The following MLPH variants were observed in gnomAD, a reference collection of about 807,000 sequenced individuals.
MLPH encodes the protein melanophilin, also known as exophilin-3.
In MLPH, 51 loss-of-function variants were observed where a neutral mutation model predicts 72.1. The ratio of observed to expected loss-of-function variants is 0.71; its 90% CI spans 0.56 to 0.89. MLPH has a LOEUF of 0.89. Ranked by LOEUF, MLPH falls within the 40% of genes least tolerant of loss-of-function variation. The pLI is 0.00. For synonymous variants in MLPH, 301 were observed against 310.1 expected, an observed-to-expected ratio of 0.97 and a Z score of 0.31; for missense variants, 743 against 759.9, an observed-to-expected ratio of 0.98 and a Z score of 0.26.
At chr2:237,539,264 G>A (rs1263628082) in intron 9 of MLPH, among the ~76,000 whole-genome samples, 5 of 152,224 alleles carry the variant, frequency 3.3e-5, no homozygotes, top group East Asian at 3.8e-4. Flanking sequence ...GGGAGAAGGC[G>A]GTGGTCGAAC....
At chr2:237,529,439 T>C (rs1184371828) in intron 8 of MLPH, among the ~76,000 whole-genome samples, 1 of 152,224 alleles carries the variant, frequency 6.6e-6, no homozygotes, top group Non-Finnish European at 1.5e-5. Context: ...CATTAACTTA[T>C]GAAATAATTC....
At position 237,540,563 on chromosome 2, in the gene MLPH, G is replaced by C. The variant is rs75126541; in HGVS notation, c.1290+30G>C. 7,088 of 1,598,922 alleles carry C rather than the reference G, an allele frequency of 4.4e-3. 167 individuals carry two copies. The East Asian group carries it at 0.058, about 13-fold the overall frequency. Reference sequence around the variant, plus strand: ...GACTATCCCCCAGAGGTCTCAGCAGGACCCTGCAGAGGTAGGGGCAGGGAT... The same window carrying C: ...GACTATCCCCCAGAGGTCTCAGCAGCACCCTGCAGAGGTAGGGGCAGGGAT... On this transcript the variant is annotated intron_variant, in intron 10 of 15. Coordinates refer to ENST00000264605, the MANE Select transcript of MLPH (RefSeq NM_024101.7).
intron 2 of MLPH, among the ~76,000 whole-genome samples, chr2:237,495,919 G>A (rs140882005): frequency 2.7e-4 from 41 of 152,234 alleles, no homozygotes; most frequent in Non-Finnish European, 4.1e-4. Context: ...CACGGGCCCC[G>A]TCCTCACCCC....
intron 2 of MLPH, among the ~76,000 whole-genome samples, chr2:237,496,328 G>T (rs1034439945): frequency 6.6e-6 from 1 of 152,154 alleles, no homozygotes; most frequent in Non-Finnish European, 1.5e-5. Context: ...GTCTTCCAGG[G>T]GACTGCTGAG....
intron 2 of MLPH, among the ~76,000 whole-genome samples, chr2:237,500,287 C>T (rs576455436): frequency 6.6e-6 from 1 of 152,224 alleles, no homozygotes; most frequent in African/African-American, 2.4e-5. Context: ...TTGTCCAGCC[C>T]CAAGGTTTTA....
In MLPH at chr2:237,505,847, C is replaced by T. The variant is rs1164873538; in HGVS notation, c.111-4727C>T. Among the ~76,000 whole-genome samples, 2 of 152,202 alleles carry T rather than the reference C, an allele frequency of 1.3e-5. No homozygotes were observed. Among genetic ancestry groups the T allele is most frequent in the African/African-American group, 2.4e-5 (1 of 41,444 alleles). On this transcript the variant is annotated intron_variant, in intron 2 of 15. Transcript: ENST00000264605. The surrounding 1 kb of genome is among the most constrained non-coding windows in gnomAD (Gnocchi z 4.5). ...CCCCACCAGTCACAGCTCTGGCATG[C>T]GTGTCCCAGGGCCCTCTGGAGGTGG...
chr2:237,519,079 TTTTG>T (rs138690967), intron 5 of MLPH, among the ~76,000 whole-genome samples: 1 of 107,886 alleles, frequency 9.3e-6, no homozygotes, highest in Non-Finnish European at 2.1e-5. Context: ...TTTTGTTTTG[TTTTG>T]TTTGTTTTTT....
At position 237,540,652 on chromosome 2, in the gene MLPH, C is replaced by T. The variant is rs1029452582; in HGVS notation, c.1290+119C>T. 4 of 1,491,474 alleles carry T rather than the reference C, an allele frequency of 2.7e-6. No homozygotes were observed. In the African/African-American group the frequency reaches 4.2e-5, roughly 16 times the overall value. 92.4% of individuals were successfully genotyped at this position (1,491,474 alleles called of 1,614,324 possible). On this transcript the variant is annotated intron_variant, in intron 10 of 15. Coordinates refer to ENST00000264605, the MANE Select transcript of MLPH (RefSeq NM_024101.7). Reference sequence around the variant, plus strand: ...AGCACCCACAGGAGCACACCAAGGGCCCTTGATGGGGTCTGCAGCGGGTGG... The same window carrying T: ...AGCACCCACAGGAGCACACCAAGGGTCCTTGATGGGGTCTGCAGCGGGTGG...
intron 1 of MLPH, among the ~76,000 whole-genome samples, chr2:237,490,913 A>G (rs1319002633): frequency 1.3e-5 from 2 of 152,208 alleles, no homozygotes; most frequent in Admixed American, 6.5e-5. Context: ...CAAACACTCA[A>G]CTTTATGTTT....
rs1038232705 is a variant in MLPH at position 237,555,246 on chromosome 2, G to A, written c.*1654G>A. The stretch of plus-strand genomic sequence containing the variant: ...GAGCCATGATCGCATCACTATACTC[G>A]AGCCTGGGCAACAGAGTGAGACCTT... On this transcript the variant is annotated 3_prime_UTR_variant, in exon 16 of 16. Coordinates refer to ENST00000264605, the MANE Select transcript of MLPH (RefSeq NM_024101.7). 3.3e-5 allele frequency: 5 copies of A among 152,092 alleles called. No homozygotes were observed. Among genetic ancestry groups the A allele is most frequent in the Admixed American group, 2.0e-4 (3 of 15,258 alleles). 9.4% of individuals were successfully genotyped at this position (152,092 alleles called of 1,614,324 possible).
At chr2:237,501,215 C>G (rs1248167722) in intron 2 of MLPH, among the ~76,000 whole-genome samples, 1 of 152,142 alleles carries the variant, frequency 6.6e-6, no homozygotes, top group African/African-American at 2.4e-5. Flanking sequence ...CAGCCCCCAG[C>G]ACAGTACTGA....
chr2:237,550,780 G>C (rs536990698), intron 14 of MLPH, among the ~76,000 whole-genome samples: 1 of 152,114 alleles, frequency 6.6e-6, no homozygotes, highest in African/African-American at 2.4e-5. Flanking sequence ...AACTCCTGAC[G>C]TCAGATGATC....
chr2:237,511,231 T>C (rs558858726), intron 4 of MLPH, 130 bp downstream of exon 4: 2 of 734,678 alleles, frequency 2.7e-6, no homozygotes, highest in South Asian at 3.0e-5. Flanking sequence ...TGTGTGTGCA[T>C]GCACATGCCT....
intron 12 of MLPH, among the ~76,000 whole-genome samples, chr2:237,543,092 G>A (rs2106386799): frequency 1.2e-5 from 1 of 80,868 alleles, no homozygotes; most frequent in African/African-American, 5.7e-5. Context: ...ACAGTGGTGA[G>A]TGGGGACAGT....
chr2:237,507,430 C>T (rs368582489), intron 2 of MLPH: 5 of 152,282 alleles, frequency 3.3e-5, no homozygotes, highest in South Asian at 4.1e-4. Context: ...TGAACTTTTC[C>T]TTTTCTGTTT....
intron 6 of MLPH, among the ~76,000 whole-genome samples, chr2:237,520,769 G>A (rs559939661): frequency 1.3e-5 from 2 of 152,322 alleles, no homozygotes; most frequent in Non-Finnish European, 2.9e-5. Flanking sequence ...ATACGGTAAT[G>A]GAGGCTGAAA....
intron 2 of MLPH, among the ~76,000 whole-genome samples, chr2:237,506,703 A>T (rs149476835): frequency 0.011 from 1,616 of 152,310 alleles, 36 homozygotes; most frequent in African/African-American, 0.038. Flanking sequence ...ATCTTTAACT[A>T]CCAGGCCCAG....
chr2:237,552,715 C>T (rs552750629), intron 15 of MLPH, among the ~76,000 whole-genome samples: 139 of 152,252 alleles, frequency 9.1e-4, no homozygotes, highest in South Asian at 1.9e-3. Context: ...TGTCACTAAC[C>T]CAAATTTGTA....
At chr2:237,553,335 T>C (rs1157959397) in intron 15 of MLPH, 3 of 622,210 alleles carry the variant, frequency 4.8e-6, no homozygotes, top group Non-Finnish European at 5.9e-6. Context: ...GGTTTTCATT[T>C]TGATTCAGTT....
Sources: allele counts gnomAD v4.1 joint callset (sites outside exome capture counted in the v4.1 genomes callset), GRCh38; gene constraint gnomAD v4.1.1; non-coding constraint Gnocchi (gnomAD v3.1); transcripts MANE v1.5; gene names NCBI Gene and HGNC (gene_info 2026-07-23, HGNC 2026-07-21).